Variants in GLIS3 observed in about 807,000 individuals in gnomAD.
The protein encoded by GLIS3 is zinc finger protein GLIS3.
In GLIS3, 53 loss-of-function variants were observed where a neutral mutation model predicts 78.6. The ratio of observed to expected loss-of-function variants is 0.67; its 90% confidence interval spans 0.54 to 0.85. GLIS3 has a LOEUF of 0.85. GLIS3 is among the 40% of genes least tolerant of loss of function. The pLI is 0.00. For synonymous variants in GLIS3, 684 were observed against 509.9 expected (o/e 1.34, Z -4.60); for missense variants, 1,703 against 1,231.1 (o/e 1.38, Z -5.74).
At chr9:4,029,074 TA>T (rs1305461787) in intron 4 of GLIS3, among the ~76,000 whole-genome samples, 12 of 152,188 alleles carry the variant, frequency 7.9e-5, no homozygotes, top group Admixed American at 7.9e-4. Flanking sequence ...GATCTAATTC[TA>T]AAAGTAGTTT....
chr9:3,838,815 C>G (rs1157687981), intron 9 of GLIS3, among the ~76,000 whole-genome samples: 1 of 152,194 alleles, frequency 6.6e-6, no homozygotes, highest in African/African-American at 2.4e-5. Flanking sequence ...TTCTCCAACA[C>G]TCGGGATATT....
intron 6 of GLIS3, among the ~76,000 whole-genome samples, chr9:3,917,907 T>C (rs557373356): frequency 6.6e-6 from 1 of 152,352 alleles, no homozygotes; most frequent in Admixed American, 6.5e-5. Flanking sequence ...AGGGATCTTC[T>C]GGAGATAATC....
intron 2 of GLIS3, among the ~76,000 whole-genome samples, chr9:4,235,851 G>C (rs564644941): frequency 1.3e-5 from 2 of 152,204 alleles, no homozygotes; most frequent in East Asian, 1.9e-4. Flanking sequence ...AAGAAACACA[G>C]GACTGAGTCA....
At chr9:4,163,891 T>G (rs1347856336) in intron 2 of GLIS3, among the ~76,000 whole-genome samples, 1 of 152,224 alleles carries the variant, frequency 6.6e-6, no homozygotes, top group Non-Finnish European at 1.5e-5. Flanking sequence ...AGGCTACAAA[T>G]GAGTAAGGCC....
chr9:4,338,287 G>A lies in GLIS3; in HGVS notation n.264+8794C>T, dbSNP rs189545089. Among the ~76,000 whole-genome samples the A allele has an allele frequency of 1.4e-3, 220 of 151,928 alleles. 4 individuals are homozygous for A. In the South Asian group the frequency reaches 0.026, roughly 18 times the overall value. Reference sequence around the variant, plus strand: ...AACACAGCTTTCAGGTCTTTCTGTAGACCTACTGAATGAGACTTTCTGGTA... The same window carrying A: ...AACACAGCTTTCAGGTCTTTCTGTAAACCTACTGAATGAGACTTTCTGGTA... On this transcript the variant is annotated intron_variant and non_coding_transcript_variant, in intron 2 of 4. Coordinates refer to the GLIS3 transcript ENST00000471664.
intron 2 of GLIS3, among the ~76,000 whole-genome samples, chr9:4,143,499 G>A (rs1341792264): frequency 6.6e-6 from 1 of 151,932 alleles, no homozygotes; most frequent in African/African-American, 2.4e-5. Flanking sequence ...CCCAGGAGGT[G>A]GGGGTTGCAG....
At chr9:4,232,871 A>G (rs10491551) in intron 2 of GLIS3, among the ~76,000 whole-genome samples, 11,896 of 152,242 alleles carry the variant, frequency 0.078, 483 homozygotes, top group African/African-American at 0.098. Flanking sequence ...TACCCAGGGA[A>G]CTTTGACCAT....
At chr9:3,930,142 A>ATAAAGAATTTT (rs1825521398) in intron 6 of GLIS3, among the ~76,000 whole-genome samples, 1 of 152,276 alleles carries the variant, frequency 6.6e-6, no homozygotes, top group South Asian at 2.1e-4. Context: ...TCATGGATTC[A>ATAAAGAATTTT]TAAAGAATTT....
intron 4 of GLIS3, among the ~76,000 whole-genome samples, chr9:3,980,577 T>C (rs1216286061): frequency 6.6e-6 from 1 of 152,224 alleles, no homozygotes; most frequent in African/African-American, 2.4e-5. Flanking sequence ...ATATTGAACA[T>C]ACCTAAAATG....
the GLIS3 span, among the ~76,000 whole-genome samples, chr9:4,418,608 A>T: frequency 6.6e-6 from 1 of 152,136 alleles, no homozygotes; most frequent in Non-Finnish European, 1.5e-5. Flanking sequence ...CTGAGGCAGG[A>T]GAATCACTTG....
intron 4 of GLIS3, among the ~76,000 whole-genome samples, chr9:4,308,500 C>T (rs1027270834): frequency 2.0e-5 from 3 of 152,094 alleles, no homozygotes; most frequent in Non-Finnish European, 4.4e-5. Flanking sequence ...CCCCACCCAT[C>T]TCCCACCTGA....
chr9:3,869,844 C>T (rs1475223), intron 8 of GLIS3, among the ~76,000 whole-genome samples: 120,219 of 152,098 alleles, frequency 0.79, 47,830 homozygotes, highest in East Asian at 0.97. Flanking sequence ...TGGTAAATAG[C>T]ATATACATGA....
intron 2 of GLIS3, among the ~76,000 whole-genome samples, chr9:4,237,369 T>G (rs1822861385): frequency 6.6e-6 from 1 of 152,042 alleles, no homozygotes; most frequent in African/African-American, 2.4e-5. Flanking sequence ...TTACATTAAC[T>G]GGAAAAAAAT....
At chr9:4,248,700 CA>C (rs1314586097) in intron 2 of GLIS3, among the ~76,000 whole-genome samples, 13 of 152,334 alleles carry the variant, frequency 8.5e-5, no homozygotes, top group African/African-American at 2.6e-4. Context: ...TTTACACTCC[CA>C]CCAACAGTGT....
chr9:4,254,228 AT>A (rs1261401501), intron 2 of GLIS3, among the ~76,000 whole-genome samples: 1 of 152,218 alleles, frequency 6.6e-6, no homozygotes, highest in Non-Finnish European at 1.5e-5. Flanking sequence ...AATAACCTCT[AT>A]TAGTAAAACC....
At chr9:3,867,550 T>C (rs1171209815) in intron 8 of GLIS3, among the ~76,000 whole-genome samples, 1 of 152,226 alleles carries the variant, frequency 6.6e-6, no homozygotes, top group African/African-American at 2.4e-5. Context: ...CCAGAAATTT[T>C]CCATAGATTT....
rs1460502317 is a variant in GLIS3, at chr9:4,125,803, T to C, written c.527A>G (p.Asn176Ser). ...PPASQVSTAC[N>S]QISPSLQRAM... Reference sequence around the variant, plus strand: ...CCTCTGTAAGCTAGGACTGATCTGGTTGCATGCTGTAGAGACCTGGCTTGC... The same window carrying C: ...CCTCTGTAAGCTAGGACTGATCTGGCTGCATGCTGTAGAGACCTGGCTTGC... Residue 176 changes from asparagine (N) to serine (S), a missense_variant, in exon 3 of 11, where the codon AAC (asparagine) becomes AGC (serine). Asn to Ser is a conservative substitution (Grantham distance 46). Coordinates refer to ENST00000381971, the MANE Select transcript of GLIS3 (RefSeq NM_001042413.2). The C allele has an allele frequency of 3.9e-5, 63 of 1,614,144 alleles. 1 individual carries two copies. Among genetic ancestry groups the C allele is most frequent in the Non-Finnish European group, 5.3e-5 (62 of 1,180,000 alleles).
At chr9:3,989,518 C>T (rs752043727) in intron 4 of GLIS3, among the ~76,000 whole-genome samples, 2 of 152,134 alleles carry the variant, frequency 1.3e-5, no homozygotes, top group African/African-American at 2.4e-5. Flanking sequence ...ATGTCAACTA[C>T]TGTGGAATAA....
chr9:4,478,427 A>G, the GLIS3 span, among the ~76,000 whole-genome samples: 6 of 152,276 alleles, frequency 3.9e-5, no homozygotes, highest in South Asian at 1.2e-3. Context: ...TCTGGCCAAC[A>G]TGGTGAAACC....
Sources: gnomAD v4.1 joint callset for allele counts (sites outside exome capture counted in the v4.1 genomes callset) on GRCh38, gnomAD v4.1.1 for gene constraint, MANE v1.5 for transcripts, NCBI Gene and HGNC (gene_info 2026-07-23, HGNC 2026-07-21) for gene names.